Variants in NBPF12 observed in about 807,000 individuals in gnomAD.
NBPF12 encodes the protein NBPF member 12, also known as NBPF family member NBPF12.
In NBPF12, 115 loss-of-function variants were observed where a neutral mutation model predicts 146.4. That is an observed-to-expected ratio of 0.79 (90% CI 0.68 to 0.92). The LOEUF (loss-of-function observed/expected upper bound fraction) is 0.92, where lower values mean the gene tolerates loss of function less well. Among genes scored for constraint, NBPF12 ranks in the 40% least tolerant of loss-of-function variants. The probability of loss-of-function intolerance (pLI) is 0.00; values close to 1 mark genes in which losing one functional copy is unlikely to be tolerated. For synonymous variants in NBPF12, 385 were observed against 508.9 expected (o/e 0.76, Z 3.28); for missense variants, 1,205 against 1,326.8 (o/e 0.91, Z 1.43).
rs1204075132 is a variant in NBPF12 at position 146,971,433 on chromosome 1, G to A, written c.1591+39G>A. 16 of 1,538,060 alleles carry A rather than the reference G, an allele frequency of 1.0e-5. No individual in the cohort carries two copies. The Admixed American group carries it at 2.0e-4, about 19-fold the overall frequency. On this transcript the variant is annotated intron_variant, in intron 13 of 33. Transcript: ENST00000617844. ...TCCTTGTGTCTCATACCTCTGTCTA[G>A]GCTATGGAAGATCAATTCTGAGGAC...
chr1:146,980,234 G>A (rs1657284575), intron 19 of NBPF12, among the ~76,000 whole-genome samples: 1 of 151,956 alleles, frequency 6.6e-6, no homozygotes, highest in Admixed American at 6.6e-5. Context: ...GGTTTTCTGA[G>A]TACAGCGCAC....
exon 7 of NBPF12, chr1:146,964,406 A>G: frequency 6.2e-7 from 1 of 1,601,962 alleles, no homozygotes; most frequent in Non-Finnish European, 8.5e-7. Context: ...AGGATGAGAA[A>G]GTACTGGAAT....
At chr1:146,967,342 A>G (rs1656271938) in intron 9 of NBPF12, among the ~76,000 whole-genome samples, 1 of 150,644 alleles carries the variant, frequency 6.6e-6, no homozygotes, top group African/African-American at 2.5e-5. Context: ...CTCCACTAAA[A>G]ATACAAAAAG....
intron 1 of NBPF12, among the ~76,000 whole-genome samples, chr1:146,949,868 C>T (rs1332806748): frequency 6.6e-6 from 1 of 151,868 alleles, no homozygotes; most frequent in Non-Finnish European, 1.5e-5. Flanking sequence ...CCAATAACAA[C>T]TTATGGAGTC....
chr1:146,956,285 G>A (rs1353324915), intron 2 of NBPF12, among the ~76,000 whole-genome samples: 2 of 152,002 alleles, frequency 1.3e-5, no homozygotes, highest in Non-Finnish European at 1.5e-5. Flanking sequence ...CATTTCATTT[G>A]TAGAAAATGG....
At chr1:146,986,089 G>C (rs1391485827) in intron 23 of NBPF12, among the ~76,000 whole-genome samples, 1 of 151,900 alleles carries the variant, frequency 6.6e-6, no homozygotes, top group Non-Finnish European at 1.5e-5. Flanking sequence ...AGTGTCCTTT[G>C]ACCCCTTCAT....
chr1:146,967,229 ATG>A, intron 9 of NBPF12, among the ~76,000 whole-genome samples: 1 of 150,438 alleles, frequency 6.6e-6, no homozygotes, highest in African/African-American at 2.5e-5. Context: ...GGGGCCGTGC[ATG>A]GTGGCTCACT....
chr1:146,973,896 G>T (rs1223712886), intron 14 of NBPF12, among the ~76,000 whole-genome samples: 2 of 150,450 alleles, frequency 1.3e-5, no homozygotes, highest in East Asian at 2.0e-4. Flanking sequence ...GAGGAAGAAA[G>T]ATCGCACCCG....
chr1:146,971,895 C>G (rs1416743202), intron 13 of NBPF12, among the ~76,000 whole-genome samples: 1 of 136,538 alleles, frequency 7.3e-6, no homozygotes, highest in Non-Finnish European at 1.5e-5. Flanking sequence ...CTGGCTAACA[C>G]GGTGAAACCC....
Position 146,972,926 on chromosome 1 carries a change from G to A in NBPF12, c.1767G>A (p.Val589=), listed in dbSNP as rs1396264998. 4 of 973,912 alleles carry A rather than the reference G, an allele frequency of 4.1e-6. No homozygotes were observed. In the African/African-American group the frequency reaches 6.5e-5, roughly 16 times the overall value. 60.3% of individuals were successfully genotyped at this position (973,912 alleles called of 1,614,324 possible). The stretch of plus-strand genomic sequence containing the variant: ...AAGAGAAATGTTTTGTAACTCAAGT[G>A]GCCTGCTTCCTGGCCAAGCAGCAGA... The change falls in exon 14 of 34, where the codon GTG becomes GTA. Residue 589 remains valine, a synonymous_variant. Coordinates refer to ENST00000617844, the Ensembl canonical transcript of NBPF12.
chr1:146,992,428 A>T, intron 31 of NBPF12, among the ~76,000 whole-genome samples: 1 of 123,416 alleles, frequency 8.1e-6, no homozygotes, highest in African/African-American at 3.4e-5. Context: ...CAATTCACTG[A>T]GCTCGTTCTC....
At chr1:146,970,759 A>G (rs1656550626) in intron 12 of NBPF12, 40 bp downstream of exon 15, 1 of 1,288,764 alleles carries the variant, frequency 7.8e-7, no homozygotes. Context: ...GGGTGTTAAC[A>G]TATGAAAATG....
chr1:146,961,205 T>G (rs1241149589), intron 4 of NBPF12, among the ~76,000 whole-genome samples: 1 of 151,852 alleles, frequency 6.6e-6, no homozygotes, highest in Non-Finnish European at 1.5e-5. Context: ...GAGAGTACCT[T>G]GGTGAGAGTG....
chr1:146,972,961 G>A lies in NBPF12; in HGVS notation c.1801+1G>A, dbSNP rs1656750314. The A allele has an allele frequency of 1.1e-6, 1 of 914,222 alleles. No individual in the cohort carries two copies. The highest frequency in any genetic ancestry group is 1.8e-6 in the Non-Finnish European group (1 of 542,596). The allele number at this position is 914,222 out of a possible 1,614,324, so 56.6% of individuals were successfully genotyped here. A position where few individuals can be genotyped will look rare whatever the true frequency, so the allele number is the denominator to read the frequency against. On this transcript the variant is annotated splice_donor_variant, in intron 14 of 33. Transcript: ENST00000617844. LOFTEE classifies it high-confidence loss of function. Reference sequence around the variant, plus strand: ...CTGGCCAAGCAGCAGAACAAATACAGTAAGATCTATATGCTCACCATCATG... The same window carrying A: ...CTGGCCAAGCAGCAGAACAAATACAATAAGATCTATATGCTCACCATCATG...
At chr1:146,953,836 G>T (rs1335358584) in intron 2 of NBPF12, among the ~76,000 whole-genome samples, 7 of 151,518 alleles carry the variant, frequency 4.6e-5, no homozygotes. Flanking sequence ...CTAAGTCAAT[G>T]CAATAAAGTA....
At chr1:146,947,889 G>A (rs1186367814), upstream of NBPF12, among the ~76,000 whole-genome samples, 7 of 151,914 alleles carry the variant, frequency 4.6e-5, no homozygotes, top group East Asian at 1.4e-3. Flanking sequence ...ACTGGTATTT[G>A]TTACCAAACC....
intron 25 of NBPF12, among the ~76,000 whole-genome samples, chr1:146,987,565 A>G (rs1159933272): frequency 2.6e-5 from 4 of 151,976 alleles, no homozygotes; most frequent in Admixed American, 1.3e-4. Context: ...AAAATTATTG[A>G]GCACAGTCTT....
intron 1 of NBPF12, among the ~76,000 whole-genome samples, chr1:146,941,774 AAAAAG>A (rs1654817834): frequency 7.0e-6 from 1 of 142,146 alleles, no homozygotes; most frequent in African/African-American, 2.6e-5. Flanking sequence ...AAAAAAAAAA[AAAAAG>A]AAAGAAAAAA....
rs1656875154 is a variant in NBPF12, at chr1:146,974,771, A to G, written c.1834A>G (p.Met612Val). 1.6e-5 allele frequency: 16 copies of G among 997,850 alleles called. 4 individuals carry two copies. Among genetic ancestry groups the G allele is most frequent in the African/African-American group, 2.7e-5 (1 of 36,626 alleles). The allele number at this position is 997,850 out of a possible 1,614,324, so 61.8% of individuals were successfully genotyped here. A position where few individuals can be genotyped will look rare whatever the true frequency, so the allele number is the denominator to read the frequency against. The stretch of plus-strand genomic sequence containing the variant: ...AGAGTGCAAAGACCTCCTAAAATCT[A>G]TGCTGAGGAATGAGCTACAGTTCAA... The change falls in exon 15 of 34, where the codon ATG (methionine) becomes GTG (valine). Residue 612 changes from methionine (M) to valine (V), a missense_variant. By Grantham distance (21) the Met-to-Val change is conservative. Transcript: ENST00000617844.
Sources: gnomAD v4.1 joint callset for allele counts (sites outside exome capture counted in the v4.1 genomes callset) on GRCh38, gnomAD v4.1.1 for gene constraint, MANE v1.5 for transcripts, NCBI Gene and HGNC (gene_info 2026-07-23, HGNC 2026-07-21) for gene names.